The following SLC4A10 variants were observed in gnomAD, a reference collection of about 807,000 sequenced individuals.
SLC4A10 encodes sodium-driven chloride bicarbonate exchanger.
In SLC4A10, 42 loss-of-function variants were observed where a neutral mutation model predicts 137.7. The observed-to-expected ratio is 0.30, with a 90% confidence interval of 0.24 to 0.39. The LOEUF is 0.39. Among genes scored for constraint, SLC4A10 ranks in the 10% least tolerant of loss-of-function variants. The pLI is 1.00. For synonymous variants in SLC4A10, 474 were observed against 464.1 expected (o/e 1.02, Z -0.27); for missense variants, 925 against 1,355.0 (o/e 0.68, Z 4.98).
intron 1 of SLC4A10, among the ~76,000 whole-genome samples, chr2:161,690,771 A>G (rs1437558804): frequency 6.6e-6 from 1 of 152,044 alleles, no homozygotes; most frequent in African/African-American, 2.4e-5. Flanking sequence ...GGGGAACAAC[A>G]CACACTGGGG....
chr2:161,740,600 G>C (rs1281743330), intron 1 of SLC4A10, among the ~76,000 whole-genome samples: 1 of 152,134 alleles, frequency 6.6e-6, no homozygotes, highest in Non-Finnish European at 1.5e-5. Flanking sequence ...ACTGGGAGGT[G>C]CTCATAGGCT....
intron 4 of SLC4A10, among the ~76,000 whole-genome samples, chr2:161,844,375 T>C (rs2059368343): frequency 6.6e-6 from 1 of 152,140 alleles, no homozygotes; most frequent in Non-Finnish European, 1.5e-5. Context: ...GAACAGTTAA[T>C]GTCTATAAAC....
chr2:161,841,280 G>A (rs1364756780), intron 4 of SLC4A10, among the ~76,000 whole-genome samples: 2 of 152,048 alleles, frequency 1.3e-5, no homozygotes, highest in African/African-American at 4.8e-5. Flanking sequence ...GTTTCACCAT[G>A]TTGGCCAGGC....
Position 161,942,822 on chromosome 2 carries a change from C to G in SLC4A10, c.2028C>G (p.Ser676Arg). Residue 676 changes from serine to arginine, a missense_variant, in exon 16 of 27, where the codon AGC (serine) becomes AGG (arginine). Coordinates refer to ENST00000446997, the MANE Select transcript of SLC4A10 (RefSeq NM_001178015.2). ...ACTGTGTGGAACCGCATAATCCCAG[C>G]AATGGCACATTGAAGGAATGGAGGG... ...SCNCVEPHNP[S>R]NGTLKEWRES... 1 of 1,605,526 alleles carries G rather than the reference C, an allele frequency of 6.2e-7. No individual in the cohort carries two copies. Among genetic ancestry groups the G allele is most frequent in the Non-Finnish European group, 8.5e-7 (1 of 1,175,792 alleles).
chr2:161,703,204 G>T (rs554125158), intron 1 of SLC4A10, among the ~76,000 whole-genome samples: 23 of 151,800 alleles, frequency 1.5e-4, no homozygotes, highest in African/African-American at 5.5e-4. Flanking sequence ...GAGGATGTAT[G>T]TAAGGCTGTG....
chr2:161,755,173 G>A (rs1294705416), intron 1 of SLC4A10, among the ~76,000 whole-genome samples: 2 of 152,182 alleles, frequency 1.3e-5, no homozygotes, highest in Non-Finnish European at 2.9e-5. Flanking sequence ...TCGGTATGCA[G>A]TTTTCCCCCT....
intron 15 of SLC4A10, among the ~76,000 whole-genome samples, chr2:161,942,027 T>C (rs554448156): frequency 1.3e-5 from 2 of 152,276 alleles, no homozygotes; most frequent in South Asian, 2.1e-4. Flanking sequence ...GTTCCTGATG[T>C]AGAAGGCAGA....
chr2:161,679,232 C>G (rs1255926283), intron 1 of SLC4A10, among the ~76,000 whole-genome samples: 1 of 152,082 alleles, frequency 6.6e-6, no homozygotes, highest in Non-Finnish European at 1.5e-5. Flanking sequence ...TCATCAAATA[C>G]TTATTTCAAG....
intron 1 of SLC4A10, among the ~76,000 whole-genome samples, chr2:161,758,810 G>A (rs1003565162): frequency 1.3e-5 from 2 of 151,950 alleles, no homozygotes; most frequent in Admixed American, 6.6e-5. Context: ...TCCATAGTAT[G>A]TAAACTTTGT....
chr2:161,867,138 T>A (rs979940041), intron 6 of SLC4A10, among the ~76,000 whole-genome samples: 14 of 151,970 alleles, frequency 9.2e-5, no homozygotes, highest in Non-Finnish European at 1.5e-4. Context: ...TCTTTAGGCC[T>A]GGGTAGATTT....
Position 161,725,233 on chromosome 2 carries a change from G to T in SLC4A10, c.49-45740G>T. On this transcript the variant is annotated intron_variant, in intron 1 of 26. Coordinates refer to ENST00000446997, the MANE Select transcript of SLC4A10 (RefSeq NM_001178015.2). ...TACATTTAACTAATATATTACCTTT[G>T]TAGTATGGCACATTGACTAGAAGCA... Among the ~76,000 whole-genome samples the T allele has an allele frequency of 1.3e-5, 2 of 152,112 alleles. 1 individual carries two copies. The highest frequency in any genetic ancestry group is 2.9e-5 in the Non-Finnish European group (2 of 68,008).
intron 1 of SLC4A10, among the ~76,000 whole-genome samples, chr2:161,699,332 A>G (rs998095463): frequency 2.0e-5 from 3 of 151,892 alleles, no homozygotes; most frequent in South Asian, 2.1e-4. Context: ...CATTTATTAT[A>G]TTTCTCTTGT....
intron 2 of SLC4A10, among the ~76,000 whole-genome samples, chr2:161,795,648 G>T (rs1459414510): frequency 6.6e-6 from 1 of 152,066 alleles, no homozygotes; most frequent in African/African-American, 2.4e-5. Context: ...TTAGCTATAG[G>T]CACTATGCTG....
At position 161,950,818 on chromosome 2, in the gene SLC4A10, C is replaced by T. The variant is rs1426463615; in HGVS notation, c.2511C>T (p.Val837=). ...TTATGGACCAACAGATTACAGCTGT[C>T]ATCATCAACAGGAAAGAGCATAAGC... ...LIFMDQQITA[V]IINRKEHKLK... Residue 837 remains valine (V), a synonymous_variant, in exon 19 of 27, where the codon GTC becomes GTT. Transcript: ENST00000446997. 2.5e-6 allele frequency: 4 copies of T among 1,605,366 alleles called. No homozygotes were observed. Among genetic ancestry groups the T allele is most frequent in the Non-Finnish European group, 3.4e-6 (4 of 1,175,574 alleles).
chr2:161,641,153 C>T (rs1298925297), intron 1 of SLC4A10, among the ~76,000 whole-genome samples: 2 of 152,082 alleles, frequency 1.3e-5, no homozygotes, highest in African/African-American at 4.8e-5. Flanking sequence ...CAAGGTATTT[C>T]AGTGTCTTAT....
chr2:161,848,585 A>T (rs1334755316), intron 4 of SLC4A10, among the ~76,000 whole-genome samples: 1 of 152,162 alleles, frequency 6.6e-6, no homozygotes, highest in East Asian at 1.9e-4. Context: ...GTCCCGTTTC[A>T]ATCTTCTGCA....
chr2:161,645,482 TTTTTCCCCAG>T (rs1319983101), intron 1 of SLC4A10, among the ~76,000 whole-genome samples: 1 of 151,950 alleles, frequency 6.6e-6, no homozygotes, highest in East Asian at 1.9e-4. Context: ...CATCCTGATA[TTTTTCCCCAG>T]TTTTCCCCAA....
chr2:161,978,908 T>C (rs1485905351), intron 26 of SLC4A10, among the ~76,000 whole-genome samples: 2 of 152,202 alleles, frequency 1.3e-5, no homozygotes, highest in African/African-American at 4.8e-5. Context: ...ACTTCCTTTC[T>C]CAAAGATCCT....
At chr2:161,748,949 TA>T (rs1286024395) in intron 1 of SLC4A10, among the ~76,000 whole-genome samples, 2 of 152,080 alleles carry the variant, frequency 1.3e-5, no homozygotes, top group African/African-American at 2.4e-5. Flanking sequence ...TCTTCTTCAA[TA>T]TTTTTTTAAC....
Sources: allele counts gnomAD v4.1 joint callset (sites outside exome capture counted in the v4.1 genomes callset), GRCh38; gene constraint gnomAD v4.1.1; transcripts MANE v1.5; gene names NCBI Gene and HGNC (gene_info 2026-07-23, HGNC 2026-07-21).